CENPO: variants seen among roughly 807,000 people sequenced by gnomAD.
CENPO encodes the protein centromeric protein O.
A neutral mutation model predicts 36.1 loss-of-function variants in CENPO; 30 were observed. The ratio of observed to expected loss-of-function variants is 0.83; its 90% CI spans 0.62 to 1.13. The LOEUF (loss-of-function observed/expected upper bound fraction) is 1.13. CENPO is among the 50% of genes most tolerant of loss of function. The pLI is 0.00. For synonymous variants in CENPO, 171 were observed against 142.3 expected (o/e 1.20, Z -1.44); for missense variants, 349 against 357.8 (o/e 0.98, Z 0.20).
chr2:24,800,253 T>A (rs962088415), intron 3 of CENPO, among the ~76,000 whole-genome samples: 1 of 152,242 alleles, frequency 6.6e-6, no homozygotes, highest in Non-Finnish European at 1.5e-5. Flanking sequence ...CACTCCAGCC[T>A]GGGAAACAGA....
chr2:24,818,452 T>C (rs577319345), intron 7 of CENPO, among the ~76,000 whole-genome samples: 28 of 148,500 alleles, frequency 1.9e-4, no homozygotes, highest in African/African-American at 6.8e-4. Flanking sequence ...ATTTTCCTGT[T>C]TGAAACTTTT....
chr2:24,819,917 C>A lies in CENPO; in HGVS notation c.*599C>A. 2 of 1,611,526 alleles carry A rather than the reference C, an allele frequency of 1.2e-6. No homozygotes were observed. The highest frequency in any genetic ancestry group is 1.7e-6 in the Non-Finnish European group (2 of 1,179,138). The stretch of plus-strand genomic sequence containing the variant: ...TTCTCCCTTCCGGTTTGGACTGTTG[C>A]AGGCTCGAGGCCATTCAGGAGTTGT... On this transcript the variant is annotated 3_prime_UTR_variant, in exon 8 of 8. Coordinates refer to ENST00000380834, the MANE Select transcript of CENPO (RefSeq NM_001322101.2).
At chr2:24,798,279 A>G (rs879864991) in intron 2 of CENPO, among the ~76,000 whole-genome samples, 357 of 102,600 alleles carry the variant, frequency 3.5e-3, no homozygotes, top group Middle Eastern at 0.011. Context: ...GTGTGTGTAT[A>G]TATATATATA....
rs1572760852 is a variant in CENPO, at chr2:24,820,392, T to C, written c.*1074T>C. ...GGTGGCAGCACTGTTACCTGGAAACTGCCACTGCCTGCTCTTCTGTCCCTT... is the reference window on the plus strand; with the variant it reads ...GGTGGCAGCACTGTTACCTGGAAACCGCCACTGCCTGCTCTTCTGTCCCTT... On this transcript the variant is annotated 3_prime_UTR_variant, in exon 8 of 8. Coordinates refer to ENST00000380834, the MANE Select transcript of CENPO (RefSeq NM_001322101.2). The C allele has an allele frequency of 3.0e-6, 4 of 1,312,118 alleles. No homozygotes were observed. Among genetic ancestry groups the C allele is most frequent in the African/African-American group, 3.0e-5 (2 of 66,132 alleles). 81.3% of individuals were successfully genotyped at this position (1,312,118 alleles called of 1,614,324 possible).
intron 3 of CENPO, among the ~76,000 whole-genome samples, chr2:24,814,144 A>G (rs1425738820): frequency 6.6e-6 from 1 of 152,140 alleles, no homozygotes; most frequent in Non-Finnish European, 1.5e-5. Context: ...ATTCCCATCA[A>G]AAATCGAATT....
rs561743837 is a variant in CENPO at position 24,820,545 on chromosome 2, T to G, written c.*1227T>G. The G allele has an allele frequency of 2.1e-4, 292 of 1,392,628 alleles. 2 individuals carry two copies. The highest frequency in any genetic ancestry group is 7.6e-5 in the East Asian group (3 of 39,242). The allele number at this position is 1,392,628 out of a possible 1,614,324, so 86.3% of individuals were successfully genotyped here. ...CCCAGATTTTGTGGATGGGTGGAAG[T>G]GTTTCTTCCTGTGCTGAGGCTAGCT... is the stretch of plus-strand genomic sequence containing the variant. On this transcript the variant is annotated 3_prime_UTR_variant, in exon 8 of 8. Transcript: ENST00000380834.
At chr2:24,795,604 G>T (rs754695361) in intron 2 of CENPO, among the ~76,000 whole-genome samples, 2 of 152,166 alleles carry the variant, frequency 1.3e-5, no homozygotes, top group Non-Finnish European at 2.9e-5. Flanking sequence ...GGAGCAGCAT[G>T]ATACTGTTTT....
intron 3 of CENPO, among the ~76,000 whole-genome samples, chr2:24,806,990 A>G (rs1172349494): frequency 6.6e-6 from 1 of 152,178 alleles, no homozygotes; most frequent in Non-Finnish European, 1.5e-5. Flanking sequence ...CAGTTGGTGC[A>G]TCTTCTAGTA....
chr2:24,804,198 TC>T (rs1666278820), intron 3 of CENPO, among the ~76,000 whole-genome samples: 1 of 152,220 alleles, frequency 6.6e-6, no homozygotes, highest in Non-Finnish European at 1.5e-5. Context: ...TCTTCCTCCA[TC>T]CCTTTATTTT....
intron 7 of CENPO, among the ~76,000 whole-genome samples, chr2:24,818,783 T>A (rs1667098884): frequency 6.6e-6 from 1 of 152,232 alleles, no homozygotes; most frequent in South Asian, 2.1e-4. Flanking sequence ...CTCTGGTTCC[T>A]TGGCGTGTGG....
Position 24,799,675 on chromosome 2 carries a change from G to A in CENPO, c.47G>A (p.Gly16Asp), listed in dbSNP as rs1249543679. The A allele has an allele frequency of 6.2e-7, 1 of 1,610,554 alleles. No individual in the cohort carries two copies. The highest frequency in any genetic ancestry group is 1.7e-5 in the Admixed American group (1 of 59,602). The change falls in exon 3 of 8, where the codon GGT (glycine) becomes GAT (aspartate). Residue 16 changes from glycine (G) to aspartate (D), a missense_variant and splice_region_variant. Gly to Asp is a moderately conservative substitution (Grantham distance 94). Coordinates refer to ENST00000380834, the MANE Select transcript of CENPO (RefSeq NM_001322101.2). ...PLRPDGESKGGVLAHLERLET... is the reference protein window; with the variant it reads ...PLRPDGESKGDVLAHLERLET... Reference sequence around the variant, plus strand: ...AAAATTCTCCTTTTACTCTCCTTAGGTGTTTTAGCTCACTTGGAAAGGCTA... The same window carrying A: ...AAAATTCTCCTTTTACTCTCCTTAGATGTTTTAGCTCACTTGGAAAGGCTA...
rs1185772149 is a variant in CENPO at position 24,821,601 on chromosome 2, C to T, written c.*2283C>T. ...ATGGCCAGCGCGAAGTCGGCCAGGT[C>T]AGCCAGGTGCTGCCAGCGCTCTCTC... On this transcript the variant is annotated 3_prime_UTR_variant, in exon 8 of 8. Coordinates refer to ENST00000380834, the MANE Select transcript of CENPO (RefSeq NM_001322101.2). 3 of 1,614,050 alleles carry T rather than the reference C, an allele frequency of 1.9e-6. No homozygotes were observed. The highest frequency in any genetic ancestry group is 3.3e-5 in the Admixed American group (2 of 60,004).
At position 24,820,977 on chromosome 2, in the gene CENPO, G is replaced by A. The variant is rs1466369865; in HGVS notation, c.*1659G>A. 2.2e-6 allele frequency: 3 copies of A among 1,359,304 alleles called. No homozygotes were observed. Among genetic ancestry groups the A allele is most frequent in the Non-Finnish European group, 3.0e-6 (3 of 993,512 alleles). The allele number at this position is 1,359,304 out of a possible 1,614,324, so 84.2% of individuals were successfully genotyped here. ...ACACATCATTGTCCTCATTCAACTT[G>A]GCTGTATGCTATTGGAGGGTGGAAA... is the stretch of plus-strand genomic sequence containing the variant. On this transcript the variant is annotated 3_prime_UTR_variant, in exon 8 of 8. Coordinates refer to ENST00000380834, the MANE Select transcript of CENPO (RefSeq NM_001322101.2).
chr2:24,814,527 G>T, intron 4 of CENPO, 34 bp downstream of exon 4: 1 of 986,344 alleles, frequency 1.0e-6, no homozygotes, highest in Non-Finnish European at 1.6e-6. Context: ...ATTTAGTCTG[G>T]GTCTGCCTCT....
At chr2:24,811,606 C>T (rs182337990) in intron 3 of CENPO, among the ~76,000 whole-genome samples, 25 of 151,334 alleles carry the variant, frequency 1.7e-4, no homozygotes, top group Non-Finnish European at 2.7e-4. Flanking sequence ...GGACTACAGG[C>T]GCCCGCCACC....
intron 3 of CENPO, among the ~76,000 whole-genome samples, chr2:24,812,154 G>GT (rs1666722238): frequency 6.6e-6 from 1 of 151,980 alleles, no homozygotes; most frequent in South Asian, 2.1e-4. Flanking sequence ...ATTTCACTAT[G>GT]TTTTTTATTT....
rs1666088321 is a variant in CENPO, at chr2:24,799,927, TATA to T, written c.216+86_216+88del. 1.9e-5 allele frequency: 27 copies of T among 1,425,154 alleles called. 1 individual carries two copies. The South Asian group carries it at 3.3e-4, about 17-fold the overall frequency. 88.3% of individuals were successfully genotyped at this position (1,425,154 alleles called of 1,614,324 possible). A position where few individuals can be genotyped will look rare whatever the true frequency, so the allele number is the denominator to read the frequency against. ...GGGAATTGGTGAATTGGCCATTTTTTATAATGTGTTTTACTTGTGATCTTACTG... is the reference window on the plus strand; with the variant it reads ...GGGAATTGGTGAATTGGCCATTTTTTATGTGTTTTACTTGTGATCTTACTG... On this transcript the variant is annotated intron_variant, in intron 3 of 7. Coordinates refer to ENST00000380834, the MANE Select transcript of CENPO (RefSeq NM_001322101.2).
At chr2:24,818,627 C>A (rs990008667) in intron 7 of CENPO, among the ~76,000 whole-genome samples, 1 of 118,954 alleles carries the variant, frequency 8.4e-6, no homozygotes, top group African/African-American at 2.9e-5. Context: ...ACTAGGAAGT[C>A]CCCTCTGAAA....
Position 24,799,662 on chromosome 2 carries a change from T to A in CENPO, c.47-13T>A. ...CTCAGCTTCTTGTAAAATTCTCCTT[T>A]TACTCTCCTTAGGTGTTTTAGCTCA... On this transcript the variant is annotated splice_polypyrimidine_tract_variant and intron_variant, in intron 2 of 7. Transcript: ENST00000380834. The A allele has an allele frequency of 6.3e-7, 1 of 1,585,592 alleles. No homozygotes were observed. Among genetic ancestry groups the A allele is most frequent in the Non-Finnish European group, 8.6e-7 (1 of 1,162,678 alleles).
Sources: gnomAD v4.1 joint callset for allele counts (sites outside exome capture counted in the v4.1 genomes callset) on GRCh38, gnomAD v4.1.1 for gene constraint, MANE v1.5 for transcripts, NCBI Gene and HGNC (gene_info 2026-07-23, HGNC 2026-07-21) for gene names.